The following COL22A1 variants were observed in gnomAD, a reference collection of about 807,000 sequenced individuals.
COL22A1 encodes collagen type XXII alpha 1 chain, also known as collagen alpha-1(XXII) chain.
A neutral mutation model predicts 248.9 loss-of-function variants in COL22A1; 221 were observed. The observed-to-expected ratio is 0.89, with a 90% CI of 0.80 to 0.99. COL22A1 has a LOEUF of 0.99. Ranked by LOEUF, COL22A1 falls within the 50% of genes least tolerant of loss-of-function variation. COL22A1 has a pLI of 0.00. For missense variants in COL22A1, 2,240 were observed against 2,179.0 expected (o/e 1.03, Z -0.56); for synonymous variants, 891 against 793.4 (o/e 1.12, Z -2.07).
At chr8:138,902,343 C>T (rs909377641) in intron 1 of COL22A1, among the ~76,000 whole-genome samples, 2 of 152,142 alleles carry the variant, frequency 1.3e-5, no homozygotes, top group African/African-American at 2.4e-5. Context: ...ACAACGGCTT[C>T]GCATTGGCTC....
At chr8:138,623,877 T>C in intron 51 of COL22A1, 92 bp from the exon 52 acceptor site, 4 of 1,075,050 alleles carry the variant, frequency 3.7e-6, no homozygotes, top group Non-Finnish European at 4.1e-6. Flanking sequence ...CCTGCCCAGC[T>C]TCCAGCAGTT....
chr8:138,758,885 G>A (rs79757632), intron 18 of COL22A1, among the ~76,000 whole-genome samples: 231 of 152,230 alleles, frequency 1.5e-3, no homozygotes, highest in Admixed American at 4.3e-3. Context: ...TAAATAAGGT[G>A]GAAGGTTGAA....
chr8:138,819,162 C>T (rs1179362452), intron 7 of COL22A1, among the ~76,000 whole-genome samples: 1 of 152,158 alleles, frequency 6.6e-6, no homozygotes, highest in African/African-American at 2.4e-5. Flanking sequence ...AGTCTATAAA[C>T]CTGTTTATGA....
chr8:138,715,964 G>T (rs1829399742), intron 29 of COL22A1, among the ~76,000 whole-genome samples: 1 of 152,178 alleles, frequency 6.6e-6, no homozygotes, highest in Non-Finnish European at 1.5e-5. Context: ...GACAGATGGT[G>T]CCTTCCACCC....
intron 30 of COL22A1, among the ~76,000 whole-genome samples, chr8:138,710,021 T>C (rs1233678863): frequency 1.3e-5 from 2 of 152,210 alleles, no homozygotes; most frequent in Non-Finnish European, 2.9e-5. Context: ...CAGTGTTACA[T>C]TCCTATAAGC....
At chr8:138,734,873 G>A (rs1830989858) in intron 23 of COL22A1, among the ~76,000 whole-genome samples, 1 of 152,186 alleles carries the variant, frequency 6.6e-6, no homozygotes, top group Non-Finnish European at 1.5e-5. Context: ...GTAGGGACAT[G>A]GATGAAGCTG....
chr8:138,793,497 A>T (rs1816244121), intron 12 of COL22A1, among the ~76,000 whole-genome samples: 1 of 152,190 alleles, frequency 6.6e-6, no homozygotes, highest in South Asian at 2.1e-4. Context: ...GAGGGAAGTG[A>T]CTCACTCCAA....
chr8:138,668,925 G>A lies in COL22A1; in HGVS notation c.3151-5185C>T, dbSNP rs974266833. Among the ~76,000 whole-genome samples the A allele has an allele frequency of 5.3e-5, 8 of 152,308 alleles. 1 individual carries two copies. In the South Asian group the frequency reaches 6.2e-4, roughly 12 times the overall value. On this transcript the variant is annotated intron_variant, in intron 41 of 64. Transcript: ENST00000303045. ...AGGCGAAAAGAGGTTTAGTGGGGTCGGGGGCTTCACAGGTAGAGAAGAGGA... is the reference window on the plus strand; with the variant it reads ...AGGCGAAAAGAGGTTTAGTGGGGTCAGGGGCTTCACAGGTAGAGAAGAGGA...
intron 52 of COL22A1, 108 bp downstream of exon 52, chr8:138,623,624 A>T (rs1820001457): frequency 3.3e-6 from 3 of 898,366 alleles, no homozygotes; most frequent in Admixed American, 2.3e-5. Context: ...ATGCATAGAA[A>T]ATGCCTATCT....
intron 47 of COL22A1, among the ~76,000 whole-genome samples, chr8:138,644,908 C>T (rs1822063235): frequency 6.6e-6 from 1 of 152,130 alleles, no homozygotes; most frequent in Admixed American, 6.5e-5. Context: ...CCCGCAAGTG[C>T]AATCCTATGT....
chr8:138,760,639 G>C (rs1833398079), intron 17 of COL22A1, among the ~76,000 whole-genome samples: 1 of 152,162 alleles, frequency 6.6e-6, no homozygotes, highest in Admixed American at 6.5e-5. Context: ...AGCATAGAAG[G>C]TGGAGTCTGG....
At chr8:138,898,081 C>T (rs1305513009) in intron 1 of COL22A1, among the ~76,000 whole-genome samples, 1 of 152,184 alleles carries the variant, frequency 6.6e-6, no homozygotes, top group East Asian at 1.9e-4. Flanking sequence ...GGACTCTGCG[C>T]TCATAACCTA....
At chr8:138,838,431 G>A (rs916586674) in intron 4 of COL22A1, among the ~76,000 whole-genome samples, 1 of 152,134 alleles carries the variant, frequency 6.6e-6, no homozygotes, top group African/African-American at 2.4e-5. Flanking sequence ...GAACTGCAAA[G>A]TGGGCCGATC....
At chr8:138,908,970 GC>G (rs1815228869) in intron 1 of COL22A1, among the ~76,000 whole-genome samples, 1 of 152,134 alleles carries the variant, frequency 6.6e-6, no homozygotes, top group African/African-American at 2.4e-5. Context: ...AAGAAGGTGG[GC>G]AAGAACCTGG....
At chr8:138,778,129 A>G in intron 15 of COL22A1, 1 of 607,784 alleles carries the variant, frequency 1.6e-6, no homozygotes, top group Non-Finnish European at 3.0e-6. Context: ...GATGTGAGAA[A>G]GGGGTCCCAG....
chr8:138,638,012 C>T (rs1422135423), intron 47 of COL22A1, among the ~76,000 whole-genome samples: 1 of 152,112 alleles, frequency 6.6e-6, no homozygotes, highest in South Asian at 2.1e-4. Context: ...ATCAACAACA[C>T]CATGACTATT....
chr8:138,829,227 T>A (rs2131803761), intron 5 of COL22A1, among the ~76,000 whole-genome samples: 1 of 152,220 alleles, frequency 6.6e-6, no homozygotes, highest in South Asian at 2.1e-4. Flanking sequence ...ACAGGGCCCA[T>A]CACTCATAGC....
In COL22A1 at chr8:138,802,907, C is replaced by T. The variant is rs1157668809; in HGVS notation, c.1522G>A (p.Gly508Ser). 1.2e-6 allele frequency: 2 copies of T among 1,614,062 alleles called. No homozygotes were observed. The highest frequency in any genetic ancestry group is 1.7e-6 in the Non-Finnish European group (2 of 1,179,922). ...TTCTCTCCCTTAGGTCCAGGAGCGC[C>T]AACCGGCCCAATGGCTCCTATGTCT... ...KGDIGAIGPVGAPGPKGEKGD... is the reference protein window; with the variant it reads ...KGDIGAIGPVSAPGPKGEKGD... The change falls in exon 11 of 65, where the codon GGC becomes AGC. Residue 508 changes from glycine (G) to serine (S), a missense_variant. Transcript: ENST00000303045.
At chr8:138,716,316 G>A (rs757026791) in intron 28 of COL22A1, 27 bp from the exon 29 acceptor site, 78 of 1,545,394 alleles carry the variant, frequency 5.0e-5, no homozygotes, top group South Asian at 4.0e-4. Flanking sequence ...TTCACAAGGC[G>A]TCAACAGGAA....
Sources: allele counts gnomAD v4.1 joint callset (sites outside exome capture counted in the v4.1 genomes callset), GRCh38; gene constraint gnomAD v4.1.1; transcripts MANE v1.5; gene names NCBI Gene and HGNC (gene_info 2026-07-23, HGNC 2026-07-21).